Variants in MALRD1 observed in about 807,000 individuals in gnomAD.
The protein encoded by MALRD1 is MAM and LDL-receptor class A domain-containing protein 1.
In MALRD1, 247 loss-of-function variants were observed where a neutral mutation model predicts 242.1. That is an observed-to-expected ratio of 1.02 (90% CI 0.92 to 1.13). The LOEUF (loss-of-function observed/expected upper bound fraction) is 1.13, where lower values mean the gene tolerates loss of function less well. MALRD1 is among the 50% of genes most tolerant of loss of function. The pLI is 0.00. For missense variants in MALRD1, 2,989 were observed against 2,533.1 expected (o/e 1.18, Z -3.86); for synonymous variants, 995 against 866.6 (o/e 1.15, Z -2.60).
chr10:19,088,231 A>G, intron 4 of MALRD1, 46 bp downstream of exon 4: 1 of 1,226,618 alleles, frequency 8.2e-7, no homozygotes, highest in East Asian at 3.2e-5. Flanking sequence ...GAAAAATAAG[A>G]TACAGATCTT....
At chr10:19,682,799 C>T (rs1842426156) in intron 36 of MALRD1, among the ~76,000 whole-genome samples, 1 of 152,206 alleles carries the variant, frequency 6.6e-6, no homozygotes, top group Non-Finnish European at 1.5e-5. Flanking sequence ...GCCCAGAAAA[C>T]ACTCGATCTG....
chr10:19,193,287 G>A (rs936912340), intron 14 of MALRD1, among the ~76,000 whole-genome samples: 4 of 152,162 alleles, frequency 2.6e-5, no homozygotes, highest in Non-Finnish European at 4.4e-5. Flanking sequence ...CAGGCTCAGT[G>A]GCTCACACCT....
chr10:19,652,454 A>G (rs1840944296), intron 36 of MALRD1, among the ~76,000 whole-genome samples: 1 of 152,210 alleles, frequency 6.6e-6, no homozygotes. Context: ...TAGTACCAAG[A>G]TCATGAAAGT....
chr10:19,384,349 TAA>T (rs1462991140), intron 26 of MALRD1, among the ~76,000 whole-genome samples: 3 of 125,706 alleles, frequency 2.4e-5, no homozygotes, highest in African/African-American at 9.1e-5. Context: ...AATTACTATA[TAA>T]TATATATTAT....
chr10:19,478,940 C>A (rs142820630), intron 29 of MALRD1, among the ~76,000 whole-genome samples: 2 of 152,196 alleles, frequency 1.3e-5, no homozygotes, highest in East Asian at 3.9e-4. Context: ...TCATTTTACC[C>A]AAAGTATTTT....
chr10:19,422,183 G>C (rs914737072), intron 28 of MALRD1, among the ~76,000 whole-genome samples: 1 of 152,118 alleles, frequency 6.6e-6, no homozygotes, highest in Non-Finnish European at 1.5e-5. Context: ...ACCTCATGTT[G>C]GCATTACTAG....
intron 21 of MALRD1, among the ~76,000 whole-genome samples, chr10:19,289,081 T>A (rs532034599): frequency 6.6e-6 from 1 of 152,112 alleles, no homozygotes; most frequent in East Asian, 1.9e-4. Context: ...TTTCTTTAAT[T>A]TTTTTCCTTG....
chr10:19,330,199 A>T (rs567953589), intron 23 of MALRD1, among the ~76,000 whole-genome samples: 1 of 151,848 alleles, frequency 6.6e-6, no homozygotes, highest in African/African-American at 2.4e-5. Context: ...AGAGCAGTCT[A>T]TTCCTTTTAC....
chr10:19,385,291 AT>A (rs896705981), intron 26 of MALRD1, among the ~76,000 whole-genome samples: 9 of 151,942 alleles, frequency 5.9e-5, no homozygotes, highest in Non-Finnish European at 1.2e-4. Context: ...GTTCTCTTCA[AT>A]TTTTTGGAAG....
chr10:19,701,266 C>T (rs1203816734), intron 38 of MALRD1, among the ~76,000 whole-genome samples: 3 of 152,098 alleles, frequency 2.0e-5, no homozygotes, highest in Non-Finnish European at 4.4e-5. Context: ...TACTCAAGGT[C>T]TTCAGATCCT....
chr10:19,673,996 A>G (rs959594784), intron 36 of MALRD1, among the ~76,000 whole-genome samples: 6 of 152,142 alleles, frequency 3.9e-5, no homozygotes, highest in African/African-American at 1.4e-4. Flanking sequence ...TAGGGCAAGC[A>G]TATGTCCGAA....
At chr10:19,558,825 A>C (rs1210822444) in intron 32 of MALRD1, among the ~76,000 whole-genome samples, 1 of 152,152 alleles carries the variant, frequency 6.6e-6, no homozygotes, top group African/African-American at 2.4e-5. Context: ...AAATTTCAGT[A>C]GATGTGCCTT....
Position 19,073,914 on chromosome 10 carries a change from A to T in MALRD1, c.340+7055A>T, listed in dbSNP as rs1342722516. Among the ~76,000 whole-genome samples, 9 of 152,166 alleles carry T rather than the reference A, an allele frequency of 5.9e-5. No individual in the cohort carries two copies. The East Asian group carries it at 1.5e-3, about 26-fold the overall frequency. On this transcript the variant is annotated intron_variant, in intron 2 of 39. Transcript: ENST00000454679. Reference sequence around the variant, plus strand: ...ACAAACTCTGACTCCAGAAAGCGAAAGAGCATTTGAGAAAATAGTTGAAAG... The same window carrying T: ...ACAAACTCTGACTCCAGAAAGCGAATGAGCATTTGAGAAAATAGTTGAAAG...
chr10:19,347,965 A>G lies in MALRD1; in HGVS notation c.4096A>G (p.Arg1366Gly). ...IKSLFPQQPM[R>G]AARISSPVIS... ...GAGTTTGTTTCCTCAGCAGCCCATG[A>G]GAGCTGCCAGAATTTCAAGTCCAGT... Residue 1366 changes from arginine to glycine, a missense_variant, in exon 25 of 40, where the codon AGA becomes GGA. By Grantham distance (125) the Arg-to-Gly change is moderately radical. Transcript: ENST00000454679. 1.3e-6 allele frequency: 2 copies of G among 1,550,392 alleles called. No individual in the cohort carries two copies. The highest frequency in any genetic ancestry group is 1.4e-5 in the African/African-American group (1 of 73,150).
intron 26 of MALRD1, among the ~76,000 whole-genome samples, chr10:19,364,023 G>C (rs1845009102): frequency 6.6e-6 from 1 of 152,042 alleles, no homozygotes; most frequent in East Asian, 1.9e-4. Context: ...CAGAATCCTA[G>C]GGCATGATGG....
intron 30 of MALRD1, among the ~76,000 whole-genome samples, chr10:19,494,330 A>G (rs1837621012): frequency 6.6e-6 from 1 of 152,220 alleles, no homozygotes; most frequent in Non-Finnish European, 1.5e-5. Flanking sequence ...CACAGAAATA[A>G]GAAAGAACCA....
At chr10:19,591,984 G>A (rs1837813417) in intron 33 of MALRD1, among the ~76,000 whole-genome samples, 1 of 152,222 alleles carries the variant, frequency 6.6e-6, no homozygotes, top group Non-Finnish European at 1.5e-5. Context: ...GAAATACGGA[G>A]TGAATGAAGG....
chr10:19,055,645 C>T (rs1195797780), intron 1 of MALRD1, among the ~76,000 whole-genome samples: 3 of 152,166 alleles, frequency 2.0e-5, no homozygotes, highest in Non-Finnish European at 2.9e-5. Context: ...TTTCTAACAT[C>T]GTTTACTGAG....
chr10:19,109,362 C>A (rs1030811344), intron 5 of MALRD1, among the ~76,000 whole-genome samples: 3 of 152,276 alleles, frequency 2.0e-5, no homozygotes, highest in African/African-American at 7.2e-5. Flanking sequence ...GGTGTGGCTT[C>A]TTTGCTGATG....
Sources: gnomAD v4.1 joint callset for allele counts (sites outside exome capture counted in the v4.1 genomes callset) on GRCh38, gnomAD v4.1.1 for gene constraint, MANE v1.5 for transcripts, NCBI Gene and HGNC (gene_info 2026-07-23, HGNC 2026-07-21) for gene names.